The following CAPS2 variants were observed in gnomAD, a reference collection of about 807,000 sequenced individuals.
The protein encoded by CAPS2 is calcyphosine 2.
CAPS2 carries 98 observed loss-of-function variants against 86.5 expected under a neutral mutation model. The ratio of observed to expected loss-of-function variants is 1.13; its 90% CI spans 0.96 to 1.34. CAPS2 has a LOEUF of 1.34. Among genes scored for constraint, CAPS2 ranks in the 40% most tolerant of loss-of-function variants. CAPS2 has a pLI of 0.00. For missense variants in CAPS2, 729 were observed against 686.8 expected (o/e 1.06, Z -0.69); for synonymous variants, 210 against 225.1 (o/e 0.93, Z 0.60).
rs141380318 is a variant in CAPS2 at position 75,289,987 on chromosome 12, C to T, written c.1241-212G>A. Among the ~76,000 whole-genome samples, 424 of 152,228 alleles carry T rather than the reference C, an allele frequency of 2.8e-3. 6 individuals are homozygous for T. Among genetic ancestry groups the T allele is most frequent in the Non-Finnish European group, 2.2e-3 (147 of 67,994 alleles). ...AAAATCACATGTAAATATGCCAGAACTATAGCACCACTGTGTGGTGGAAGT... is the reference window on the plus strand; with the variant it reads ...AAAATCACATGTAAATATGCCAGAATTATAGCACCACTGTGTGGTGGAAGT... On this transcript the variant is annotated intron_variant, in intron 13 of 16. Transcript: ENST00000393284.
At chr12:75,286,014 C>A (rs1254214927) in intron 14 of CAPS2, among the ~76,000 whole-genome samples, 1 of 151,988 alleles carries the variant, frequency 6.6e-6, no homozygotes, top group Non-Finnish European at 1.5e-5. Flanking sequence ...AAAGTTCTAA[C>A]ACAGTTTTCC....
At chr12:75,298,820 TTC>T (rs1420097119) in intron 10 of CAPS2, 40 bp from the exon 11 acceptor site, 2 of 1,599,098 alleles carry the variant, frequency 1.3e-6, no homozygotes, top group Non-Finnish European at 1.7e-6. Context: ...GTTATTTAGC[TTC>T]TCTCGGAAGT....
chr12:75,308,902 C>A (rs1237991065), intron 7 of CAPS2, among the ~76,000 whole-genome samples: 501 of 97,970 alleles, frequency 5.1e-3, no homozygotes, highest in South Asian at 0.014. Flanking sequence ...GACTCGGTCT[C>A]AAAAAAAAAA....
intron 1 of CAPS2, among the ~76,000 whole-genome samples, chr12:75,369,220 C>T (rs2044193934): frequency 6.6e-6 from 1 of 151,840 alleles, no homozygotes; most frequent in East Asian, 1.9e-4. Context: ...TACATTTTAG[C>T]TATTACTATA....
At chr12:75,375,201 G>A (rs568300608) in intron 1 of CAPS2, among the ~76,000 whole-genome samples, 3 of 152,110 alleles carry the variant, frequency 2.0e-5, no homozygotes, top group Admixed American at 6.6e-5. Context: ...TGCCTATTAC[G>A]CATTCTGGCA....
At chr12:75,311,741 A>AAAAAAT (rs2039245834) in intron 7 of CAPS2, among the ~76,000 whole-genome samples, 1 of 143,428 alleles carries the variant, frequency 7.0e-6, no homozygotes, top group Admixed American at 7.0e-5. Context: ...AAAAAAAAAA[A>AAAAAAT]CCTGCCTCAA....
chr12:75,341,663 G>A (rs1043034905), intron 1 of CAPS2, among the ~76,000 whole-genome samples: 6 of 151,642 alleles, frequency 4.0e-5, no homozygotes, highest in Non-Finnish European at 5.9e-5. Context: ...AGCCAGGACG[G>A]TCACGATCTC....
At chr12:75,382,315 G>A (rs965612736) in intron 1 of CAPS2, among the ~76,000 whole-genome samples, 1 of 152,130 alleles carries the variant, frequency 6.6e-6, no homozygotes, top group African/African-American at 2.4e-5. Context: ...AAATCAAAAA[G>A]CATATGGAAT....
At chr12:75,292,733 T>C (rs2036208998) in intron 12 of CAPS2, among the ~76,000 whole-genome samples, 1 of 147,858 alleles carries the variant, frequency 6.8e-6, no homozygotes, top group African/African-American at 2.5e-5. Flanking sequence ...ATCACAGGAA[T>C]ATATATTTTT....
exon 17 of CAPS2, chr12:75,277,257 T>C: frequency 1.0e-6 from 1 of 969,826 alleles, no homozygotes; most frequent in Non-Finnish European, 1.2e-6. Context: ...TTTCTGATTA[T>C]AGTAACAGAA....
chr12:75,326,335 A>G (rs916351487), intron 1 of CAPS2, 83 bp downstream of exon 2: 1 of 554,590 alleles, frequency 1.8e-6, no homozygotes, highest in African/African-American at 1.9e-5. Flanking sequence ...TGTGAATATA[A>G]GTAGTCATAA....
chr12:75,329,850 A>G, upstream of CAPS2: 1 of 1,545,272 alleles, frequency 6.5e-7, no homozygotes, highest in Non-Finnish European at 8.7e-7. Flanking sequence ...TAGCAGAAGG[A>G]ATTCCCCATC....
In CAPS2 at chr12:75,312,845, C is replaced by G. The variant is rs777426637; in HGVS notation, c.659+3G>C. The G allele has an allele frequency of 4.6e-6, 7 of 1,537,028 alleles. No homozygotes were observed. In the Admixed American group the frequency reaches 1.2e-4, roughly 26 times the overall value. On this transcript the variant is annotated splice_donor_region_variant and intron_variant, in intron 7 of 16. Coordinates refer to ENST00000393284, the Ensembl canonical transcript of CAPS2. ...ATTTCTATTACCAGTTGCTAATTCTCACCTAGATAAGTGGTCTATCATCAC... is the reference window on the plus strand; with the variant it reads ...ATTTCTATTACCAGTTGCTAATTCTGACCTAGATAAGTGGTCTATCATCAC...
chr12:75,328,450 C>T (rs1395378280), upstream of CAPS2, among the ~76,000 whole-genome samples: 1 of 152,162 alleles, frequency 6.6e-6, no homozygotes, highest in African/African-American at 2.4e-5. Context: ...TGTACTTCCC[C>T]AGTCAGGACA....
At chr12:75,345,182 A>T (rs533882084) in intron 1 of CAPS2, among the ~76,000 whole-genome samples, 5 of 152,156 alleles carry the variant, frequency 3.3e-5, no homozygotes, top group African/African-American at 1.2e-4. Context: ...TCTCATAACT[A>T]TGAGAGTGTA....
chr12:75,299,879 A>G, exon 9 of CAPS2: 1 of 1,537,034 alleles, frequency 6.5e-7, no homozygotes, highest in Non-Finnish European at 8.9e-7. Flanking sequence ...ATGAGAAAGC[A>G]CATTTTCAGT....
intron 1 of CAPS2, among the ~76,000 whole-genome samples, chr12:75,341,324 G>T (rs2042089070): frequency 6.6e-6 from 1 of 152,166 alleles, no homozygotes; most frequent in Non-Finnish European, 1.5e-5. Context: ...GTCACTAAAT[G>T]GAACAAACTA....
At chr12:75,327,010 G>A (rs1170961077), upstream of CAPS2, among the ~76,000 whole-genome samples, 1 of 152,134 alleles carries the variant, frequency 6.6e-6, no homozygotes, top group Non-Finnish European at 1.5e-5. Context: ...GAAGAGGCAA[G>A]GAATGGATTT....
intron 2 of CAPS2, among the ~76,000 whole-genome samples, chr12:75,324,807 T>A (rs2040615878): frequency 6.6e-6 from 1 of 152,018 alleles, no homozygotes; most frequent in Non-Finnish European, 1.5e-5. Flanking sequence ...ATTAATATAC[T>A]CTAAACCAAA....
Sources: allele counts gnomAD v4.1 joint callset (sites outside exome capture counted in the v4.1 genomes callset), GRCh38; gene constraint gnomAD v4.1.1; transcripts MANE v1.5; gene names NCBI Gene and HGNC (gene_info 2026-07-23, HGNC 2026-07-21).